The following RUBCNL variants were observed in gnomAD, a reference collection of about 807,000 sequenced individuals.
RUBCNL encodes protein associated with UVRAG as autophagy enhancer.
RUBCNL carries 62 observed loss-of-function variants against 69.5 expected under a neutral mutation model. That is an observed-to-expected ratio of 0.89 (90% confidence interval 0.73 to 1.10). The LOEUF (loss-of-function observed/expected upper bound fraction) is 1.10, where lower values mean the gene tolerates loss of function less well. RUBCNL is among the 50% of genes least tolerant of loss of function. The pLI, the probability that RUBCNL is intolerant of heterozygous loss-of-function variation, is 0.00. For synonymous variants in RUBCNL, 291 were observed against 303.6 expected (o/e 0.96, Z 0.43); for missense variants, 768 against 798.1 (o/e 0.96, Z 0.45).
At chr13:46,349,370 G>A (rs1195764480) in intron 11 of RUBCNL, 23 bp from the exon 12 acceptor site, 4 of 1,605,512 alleles carry the variant, frequency 2.5e-6, no homozygotes, top group South Asian at 1.1e-5. Flanking sequence ...ACCAAACACG[G>A]GGAAAAGTTA....
intron 1 of RUBCNL, among the ~76,000 whole-genome samples, chr13:46,382,316 T>G (rs1489671369): frequency 6.6e-6 from 1 of 151,380 alleles, no homozygotes. Flanking sequence ...TAGGAGAAAG[T>G]TAAAAGGAGA....
chr13:46,357,631 C>CT lies in RUBCNL; in HGVS notation c.1266-1136dup, dbSNP rs61684147. On this transcript the variant is annotated intron_variant, in intron 9 of 14. Coordinates refer to ENST00000429979, the MANE Select transcript of RUBCNL (RefSeq NM_025113.5). ...TCCATTCCATTGAGGAATTTTCTTTCTTTTTTTTTTTTTTTTGAGATGGAG... is the reference window on the plus strand; with the variant it reads ...TCCATTCCATTGAGGAATTTTCTTTCTTTTTTTTTTTTTTTTTGAGATGGAG... Among the ~76,000 whole-genome samples, 319 of 137,446 alleles carry CT rather than the reference C, an allele frequency of 2.3e-3. 2 individuals carry two copies. The highest frequency in any genetic ancestry group is 0.018 in the South Asian group (76 of 4,330). 90.2% of individuals were successfully genotyped at this position (137,446 alleles called of 152,430 possible).
chr13:46,385,824 C>T (rs1566095874), intron 1 of RUBCNL, among the ~76,000 whole-genome samples: 1 of 152,320 alleles, frequency 6.6e-6, no homozygotes, highest in East Asian at 1.9e-4. Context: ...ACCCCTCACC[C>T]CGCTCCAAGG....
chr13:46,345,713 T>C, intron 12 of RUBCNL, 113 bp from the exon 13 acceptor site: 1 of 1,037,048 alleles, frequency 9.6e-7, no homozygotes, highest in Non-Finnish European at 1.4e-6. Flanking sequence ...TTTAACTCAA[T>C]TTAAAAAATA....
chr13:46,352,119 C>T (rs776515317), intron 10 of RUBCNL, among the ~76,000 whole-genome samples: 3 of 152,198 alleles, frequency 2.0e-5, no homozygotes, highest in South Asian at 2.1e-4. Context: ...TGAGCCACCA[C>T]GCCCACTGCA....
chr13:46,387,242 G>A lies in RUBCNL; in HGVS notation c.-347C>T. 1 of 985,402 alleles carries A rather than the reference G, an allele frequency of 1.0e-6. No individual in the cohort carries two copies. Among genetic ancestry groups the A allele is most frequent in the South Asian group, 4.7e-5 (1 of 21,282 alleles). The allele number at this position is 985,402 out of a possible 1,614,324, so 61.0% of individuals were successfully genotyped here. A position where few individuals can be genotyped will look rare whatever the true frequency, so the allele number is the denominator to read the frequency against. ...CGTGGCCACCGCGCTCCCGGTAACA[G>A]CAGAAAGGGGAGGGAGGAGAGCTAC... On this transcript the variant is annotated 5_prime_UTR_variant, in exon 1 of 15. Coordinates refer to ENST00000429979, the MANE Select transcript of RUBCNL (RefSeq NM_025113.5).
Position 46,356,443 on chromosome 13 carries a change from G to A in RUBCNL, c.1319C>T (p.Pro440Leu). 6.2e-7 allele frequency: 1 copy of A among 1,613,860 alleles called. No individual in the cohort carries two copies. The highest frequency in any genetic ancestry group is 8.5e-7 in the Non-Finnish European group (1 of 1,179,844). Residue 440 changes from proline (P) to leucine (L), a missense_variant, in exon 10 of 15, where the codon CCA becomes CTA. By Grantham distance (98) the Pro-to-Leu change is moderately conservative. Transcript: ENST00000429979. ...QNFFCAGCGT[P>L]VEPKFVKRLR... ...TTATCCGTACTTACTAGGCTCTACT[G>A]GAGTTCCACAGCCGGCACAGAAAAA...
intron 3 of RUBCNL, 49 bp downstream of exon 3, chr13:46,371,892 G>A: frequency 6.3e-7 from 1 of 1,576,660 alleles, no homozygotes; most frequent in Non-Finnish European, 8.7e-7. Flanking sequence ...GCAAGGCGAA[G>A]CAAGGGTGTG....
intron 1 of RUBCNL, 35 bp downstream of exon 1, chr13:46,387,099 C>A: frequency 1.0e-6 from 1 of 985,850 alleles, no homozygotes; most frequent in South Asian, 4.7e-5. Context: ...CACCCCGCGC[C>A]GCTCCCATCT....
chr13:46,376,553 CTT>C (rs1430702559), intron 2 of RUBCNL, among the ~76,000 whole-genome samples: 2 of 152,236 alleles, frequency 1.3e-5, no homozygotes, highest in Admixed American at 6.5e-5. Flanking sequence ...ACCAATTTCT[CTT>C]TGTCACACAT....
At chr13:46,365,390 C>G (rs188817191) in intron 5 of RUBCNL, among the ~76,000 whole-genome samples, 1 of 151,370 alleles carries the variant, frequency 6.6e-6, no homozygotes, top group Non-Finnish European at 1.5e-5. Context: ...AACACAGTTG[C>G]ATTGCATGGG....
At chr13:46,369,943 G>C (rs1306094384) in intron 3 of RUBCNL, among the ~76,000 whole-genome samples, 1 of 152,238 alleles carries the variant, frequency 6.6e-6, no homozygotes, top group African/African-American at 2.4e-5. Flanking sequence ...CCTGTAAACA[G>C]CTAGCTGGTA....
rs2048345439 is a variant in RUBCNL at position 46,350,356 on chromosome 13, C to T, written c.1331-5G>A. The T allele has an allele frequency of 6.5e-7, 1 of 1,528,832 alleles. No individual in the cohort carries two copies. Among genetic ancestry groups the T allele is most frequent in the South Asian group, 1.2e-5 (1 of 83,684 alleles). 94.7% of individuals were successfully genotyped at this position (1,528,832 alleles called of 1,614,324 possible). On this transcript the variant is annotated splice_polypyrimidine_tract_variant and splice_region_variant and intron_variant, in intron 10 of 14. Coordinates refer to ENST00000429979, the MANE Select transcript of RUBCNL (RefSeq NM_025113.5). ...ACCGGAGCCGCTTCACAAACTCTGC[C>T]AAGCATACCGGAGGGTGAGTGCCAC...
In RUBCNL at chr13:46,372,067, C is replaced by A; in HGVS notation, c.409G>T (p.Val137Phe). Residue 137 changes from valine to phenylalanine, a missense_variant, in exon 3 of 15, where the codon GTC becomes TTC. Val to Phe is a conservative substitution (Grantham distance 50, BLOSUM62 -1). Transcript: ENST00000429979. ...ACCCGATGAGAGTATCCTGGGCGGA[C>A]CATGTGTACCTCTGTTGAGGACAGA... ...FSLSSTEVHM[V>F]RPGYSHRVSL... 1.2e-6 allele frequency: 2 copies of A among 1,613,960 alleles called. No individual in the cohort carries two copies. Among genetic ancestry groups the A allele is most frequent in the East Asian group, 4.5e-5 (2 of 44,870 alleles).
chr13:46,360,527 C>T (rs1004990566), intron 8 of RUBCNL, among the ~76,000 whole-genome samples: 2 of 152,190 alleles, frequency 1.3e-5, no homozygotes, highest in African/African-American at 4.8e-5. Context: ...CATGCCCCTC[C>T]ACTTTTGCTG....
intron 1 of RUBCNL, 145 bp from the exon 2 acceptor site, chr13:46,378,150 G>T: frequency 1.9e-6 from 1 of 529,146 alleles, no homozygotes; most frequent in South Asian, 2.5e-5. Flanking sequence ...CATTGTTTTT[G>T]TTTTGGTAGC....
intron 3 of RUBCNL, 103 bp from the exon 4 acceptor site, chr13:46,368,918 A>G: frequency 1.3e-6 from 1 of 792,512 alleles, no homozygotes; most frequent in South Asian, 1.7e-5. Flanking sequence ...ATGTAAAAAA[A>G]TAAGCACAAT....
chr13:46,346,994 T>G (rs1200814408), intron 12 of RUBCNL, among the ~76,000 whole-genome samples: 1 of 152,216 alleles, frequency 6.6e-6, no homozygotes, highest in Non-Finnish European at 1.5e-5. Context: ...ATTTCAACTT[T>G]TATTTTAGAT....
rs1040861960 is a variant in RUBCNL at position 46,349,177 on chromosome 13, A to G, written c.1631+109T>C. Reference sequence around the variant, plus strand: ...ATTTCCCAAGGAAAGCCATGAGGTCATCACTGTGCTAAGAAGCCCTGTGTA... The same window carrying G: ...ATTTCCCAAGGAAAGCCATGAGGTCGTCACTGTGCTAAGAAGCCCTGTGTA... On this transcript the variant is annotated intron_variant, in intron 12 of 14. Transcript: ENST00000429979. The G allele has an allele frequency of 2.2e-5, 19 of 882,752 alleles. No individual in the cohort carries two copies. The African/African-American group carries it at 3.0e-4, about 14-fold the overall frequency. The allele number at this position is 882,752 out of a possible 1,614,324, so 54.7% of individuals were successfully genotyped here.
Sources: allele counts gnomAD v4.1 joint callset (sites outside exome capture counted in the v4.1 genomes callset), GRCh38; gene constraint gnomAD v4.1.1; transcripts MANE v1.5; gene names NCBI Gene and HGNC (gene_info 2026-07-23, HGNC 2026-07-21).